Variants in ST3GAL3 observed in about 807,000 individuals in gnomAD.
The protein encoded by ST3GAL3 is ST3 beta-galactoside alpha-2,3-sialyltransferase 3, also known as CMP-N-acetylneuraminate-beta-1,4-galactoside alpha-2,3-sialyltransferase.
Under a neutral mutation model 50.1 loss-of-function variants are expected in ST3GAL3, and 21 were observed. The ratio of observed to expected loss-of-function variants is 0.42; its 90% confidence interval spans 0.30 to 0.60. ST3GAL3 has a LOEUF of 0.60. ST3GAL3 is among the 20% of genes least tolerant of loss of function. The probability of loss-of-function intolerance (pLI) is 0.19; values close to 1 mark genes in which losing one functional copy is unlikely to be tolerated. For missense variants in ST3GAL3, 353 were observed against 489.4 expected, an observed-to-expected ratio of 0.72 and a Z score of 2.63; for synonymous variants, 183 against 190.0, an observed-to-expected ratio of 0.96 and a Z score of 0.30.
intron 5 of ST3GAL3, among the ~76,000 whole-genome samples, chr1:43,868,117 A>T (rs2071778442): frequency 6.6e-6 from 1 of 152,230 alleles, no homozygotes. Flanking sequence ...GAAACACCCT[A>T]AGTGCCTCTG....
chr1:43,853,345 T>A (rs2067706772), intron 5 of ST3GAL3, among the ~76,000 whole-genome samples: 1 of 152,202 alleles, frequency 6.6e-6, no homozygotes, highest in African/African-American at 2.4e-5. Context: ...ATGCTGAGAT[T>A]TTTTCATATT....
intron 2 of ST3GAL3, among the ~76,000 whole-genome samples, chr1:43,761,049 G>A (rs1558180963): frequency 6.6e-6 from 1 of 152,184 alleles, no homozygotes; most frequent in Non-Finnish European, 1.5e-5. Context: ...TTAGTGGTTG[G>A]AGGGGATAGG....
intron 1 of ST3GAL3, among the ~76,000 whole-genome samples, chr1:43,710,796 A>G (rs1488696192): frequency 3.9e-5 from 6 of 152,264 alleles, no homozygotes; most frequent in Admixed American, 1.3e-4. Context: ...GCTTATCTGT[A>G]CTTTTTCTTC....
At chr1:43,756,100 CAAA>C (rs139101819) in intron 2 of ST3GAL3, among the ~76,000 whole-genome samples, 4 of 72,138 alleles carry the variant, frequency 5.5e-5, no homozygotes, top group Admixed American at 1.8e-4. Context: ...GAACCAGTCT[CAAA>C]AAAAAAAAAA....
intron 2 of ST3GAL3, among the ~76,000 whole-genome samples, chr1:43,743,171 G>A (rs1681791817): frequency 6.7e-6 from 1 of 149,986 alleles, no homozygotes; most frequent in Non-Finnish European, 1.5e-5. Flanking sequence ...TTACTCATCT[G>A]AAGGAAAAAA....
chr1:43,902,519 G>T (rs1444697220), intron 9 of ST3GAL3, among the ~76,000 whole-genome samples: 1 of 152,166 alleles, frequency 6.6e-6, no homozygotes, highest in East Asian at 1.9e-4. Context: ...ATCATTTGTG[G>T]CCATTTGGGT....
intron 2 of ST3GAL3, among the ~76,000 whole-genome samples, chr1:43,748,588 T>A (rs538643933): frequency 1.6e-3 from 243 of 151,290 alleles, no homozygotes; most frequent in African/African-American, 5.4e-3. Context: ...CCAGCCAATT[T>A]AAAAAAAAAA....
At chr1:43,928,472 C>T (rs552508495) in intron 11 of ST3GAL3, among the ~76,000 whole-genome samples, 1 of 152,154 alleles carries the variant, frequency 6.6e-6, no homozygotes, top group Non-Finnish European at 1.5e-5. Flanking sequence ...TGGTGGCAGG[C>T]ACCTGTAGTT....
rs111768246 is a variant in ST3GAL3 at position 43,778,503 on chromosome 1, T to A, written c.119-13599T>A. Among the ~76,000 whole-genome samples the A allele has an allele frequency of 5.3e-3, 809 of 152,284 alleles. 16 individuals are homozygous for A. Among genetic ancestry groups the A allele is most frequent in the African/African-American group, 0.018 (751 of 41,564 alleles). The stretch of plus-strand genomic sequence containing the variant: ...AAGGTCCACACATTTGGGGTTTTTT[T>A]AAACTTATCTTTCATTCTAGATTAA... On this transcript the variant is annotated intron_variant, in intron 2 of 11. Transcript: ENST00000347631.
chr1:43,761,038 A>C (rs1416282407), intron 2 of ST3GAL3, among the ~76,000 whole-genome samples: 1 of 152,210 alleles, frequency 6.6e-6, no homozygotes, highest in Non-Finnish European at 1.5e-5. Flanking sequence ...CAGAAAGTAG[A>C]TTAGTGGTTG....
intron 2 of ST3GAL3, among the ~76,000 whole-genome samples, chr1:43,780,598 A>C (rs1699041552): frequency 6.7e-6 from 1 of 150,214 alleles, no homozygotes. Context: ...TATTTTAATC[A>C]TTTTCCATCT....
rs781059206 is a variant in ST3GAL3, at chr1:43,920,820, A to C, written c.930A>C (p.Ala310=). 6.2e-7 allele frequency: 1 copy of C among 1,614,028 alleles called. No individual in the cohort carries two copies. The highest frequency in any genetic ancestry group is 1.7e-5 in the Admixed American group (1 of 60,014). ...TTGGCAGTGTGGCAGTGACCATGGCACTACACGGCTGTGACGAGGTGGCAG... is the reference window on the plus strand; with the variant it reads ...TTGGCAGTGTGGCAGTGACCATGGCCCTACACGGCTGTGACGAGGTGGCAG... ...PTLGSVAVTM[A]LHGCDEVAVA... The change falls in exon 11 of 12, where the codon GCA becomes GCC. Residue 310 remains alanine (A), a synonymous_variant. Transcript: ENST00000347631.
At chr1:43,803,714 C>A (rs928868604) in intron 3 of ST3GAL3, among the ~76,000 whole-genome samples, 9 of 152,202 alleles carry the variant, frequency 5.9e-5, no homozygotes, top group African/African-American at 2.2e-4. Flanking sequence ...GCTATGACAT[C>A]TAGACTGACT....
chr1:43,817,525 T>TCCTTC (rs1363405103), intron 4 of ST3GAL3, among the ~76,000 whole-genome samples: 3 of 147,460 alleles, frequency 2.0e-5, no homozygotes, highest in Non-Finnish European at 4.5e-5. Context: ...TTCATTCTTC[T>TCCTTC]TCCTTCTTCT....
At chr1:43,857,479 C>CCTTCCCT (rs2068643326) in intron 5 of ST3GAL3, among the ~76,000 whole-genome samples, 1 of 148,620 alleles carries the variant, frequency 6.7e-6, no homozygotes, top group Non-Finnish European at 1.5e-5. Flanking sequence ...CTCCTTCCTT[C>CCTTCCCT]CTTCCTTCCT....
At chr1:43,846,211 A>C (rs1413486490) in intron 5 of ST3GAL3, among the ~76,000 whole-genome samples, 1 of 152,194 alleles carries the variant, frequency 6.6e-6, no homozygotes, top group Non-Finnish European at 1.5e-5. Context: ...TCTAACAATT[A>C]CTGACAGAGG....
At chr1:43,852,752 C>T (rs1228096701) in intron 5 of ST3GAL3, among the ~76,000 whole-genome samples, 1 of 152,214 alleles carries the variant, frequency 6.6e-6, no homozygotes, top group African/African-American at 2.4e-5. Context: ...TGAAAGTTCT[C>T]ACAGCTTTCT....
intron 2 of ST3GAL3, chr1:43,738,016 CA>C (rs1263184445): frequency 6.6e-6 from 1 of 152,168 alleles, no homozygotes; most frequent in East Asian, 1.9e-4. Flanking sequence ...AACTGGAATT[CA>C]ATTCCTGTCT....
intron 2 of ST3GAL3, among the ~76,000 whole-genome samples, chr1:43,745,907 G>A (rs972448318): frequency 7.2e-5 from 11 of 152,206 alleles, no homozygotes; most frequent in African/African-American, 2.7e-4. Context: ...GGCATTGCAG[G>A]CATCAGTCAC....
Sources: allele counts gnomAD v4.1 joint callset (sites outside exome capture counted in the v4.1 genomes callset), GRCh38; gene constraint gnomAD v4.1.1; transcripts MANE v1.5; gene names NCBI Gene and HGNC (gene_info 2026-07-23, HGNC 2026-07-21).